COL25A1: variants seen among roughly 807,000 people sequenced by gnomAD.
The protein encoded by COL25A1 is collagen alpha-1(XXV) chain.
A neutral mutation model predicts 128.4 loss-of-function variants in COL25A1; 103 were observed. The ratio of observed to expected loss-of-function variants is 0.80; its 90% CI spans 0.68 to 0.94. COL25A1 has a LOEUF of 0.94. Among genes scored for constraint, COL25A1 ranks in the 40% least tolerant of loss-of-function variants. The pLI, the probability that COL25A1 is intolerant of heterozygous loss-of-function variation, is 0.00. For synonymous variants in COL25A1, 279 were observed against 277.2 expected (o/e 1.01, Z -0.06); for missense variants, 745 against 840.0 (o/e 0.89, Z 1.40).
At chr4:109,003,787 G>A (rs9995164) in intron 6 of COL25A1, among the ~76,000 whole-genome samples, 120,990 of 152,120 alleles carry the variant, frequency 0.8, 49,289 homozygotes, top group East Asian at 1. Context: ...GCAACAGAGC[G>A]AGACTCCATC....
At chr4:109,301,098 C>G (rs1725478246) in intron 2 of COL25A1, among the ~76,000 whole-genome samples, 1 of 151,752 alleles carries the variant, frequency 6.6e-6, no homozygotes. Flanking sequence ...CCCCCTTACT[C>G]TAGTCTAAAG....
chr4:108,853,482 T>C (rs972967941), intron 24 of COL25A1, among the ~76,000 whole-genome samples: 1 of 152,110 alleles, frequency 6.6e-6, no homozygotes, highest in African/African-American at 2.4e-5. Flanking sequence ...TTTTGTGAAC[T>C]TAATCAGAAA....
chr4:109,121,895 G>A (rs1048018554), intron 3 of COL25A1, among the ~76,000 whole-genome samples: 2 of 151,986 alleles, frequency 1.3e-5, no homozygotes, highest in African/African-American at 4.8e-5. Context: ...ATAGGTGAAA[G>A]GATAAACTGT....
chr4:109,298,752 T>C (rs1725235741), intron 3 of COL25A1, among the ~76,000 whole-genome samples: 1 of 152,238 alleles, frequency 6.6e-6, no homozygotes, highest in South Asian at 2.1e-4. Flanking sequence ...AGAAACCTGC[T>C]TGATTCTGCA....
chr4:108,837,591 A>G (rs1322038184), intron 31 of COL25A1, among the ~76,000 whole-genome samples: 1 of 152,206 alleles, frequency 6.6e-6, no homozygotes, highest in Non-Finnish European at 1.5e-5. Context: ...CAAAACAAAC[A>G]ACATAAAACA....
chr4:109,102,008 A>G (rs957067125), intron 3 of COL25A1, among the ~76,000 whole-genome samples: 2 of 152,172 alleles, frequency 1.3e-5, no homozygotes, highest in Non-Finnish European at 2.9e-5. Flanking sequence ...TTTCTGTGAT[A>G]TTTTGTCTCC....
At chr4:109,176,694 T>C (rs1774139885) in intron 3 of COL25A1, among the ~76,000 whole-genome samples, 1 of 152,114 alleles carries the variant, frequency 6.6e-6, no homozygotes, top group Non-Finnish European at 1.5e-5. Context: ...CAGATGTAAT[T>C]AAGTGAAAGA....
intron 3 of COL25A1, among the ~76,000 whole-genome samples, chr4:109,096,060 A>G (rs778006336): frequency 2.0e-5 from 3 of 152,250 alleles, no homozygotes; most frequent in Non-Finnish European, 4.4e-5. Flanking sequence ...TTAGACAGCT[A>G]TAGAACAATG....
At chr4:108,952,335 A>T (rs1749531049) in intron 8 of COL25A1, among the ~76,000 whole-genome samples, 1 of 151,898 alleles carries the variant, frequency 6.6e-6, no homozygotes, top group South Asian at 2.1e-4. Flanking sequence ...AACTGTGAAA[A>T]TTTTTTCTTT....
intron 3 of COL25A1, among the ~76,000 whole-genome samples, chr4:109,299,263 G>A (rs768574885): frequency 1.3e-5 from 2 of 152,170 alleles, no homozygotes; most frequent in African/African-American, 4.8e-5. Flanking sequence ...AGGTGGTTGA[G>A]TTAATTCCCA....
At chr4:108,834,065 C>T (rs1401258417) in intron 31 of COL25A1, among the ~76,000 whole-genome samples, 1 of 152,206 alleles carries the variant, frequency 6.6e-6, no homozygotes, top group Admixed American at 6.5e-5. Context: ...AATTCTAAGA[C>T]AATGAAGCCC....
At chr4:109,141,487 T>C (rs1770401592) in intron 3 of COL25A1, among the ~76,000 whole-genome samples, 1 of 152,196 alleles carries the variant, frequency 6.6e-6, no homozygotes, top group Non-Finnish European at 1.5e-5. Context: ...TTCTGTTGTT[T>C]AGAATAGCTT....
intron 3 of COL25A1, 41 bp downstream of exon 3, chr4:109,300,542 T>C: frequency 7.3e-7 from 1 of 1,369,244 alleles, no homozygotes; most frequent in East Asian, 2.3e-5. Context: ...TTTAAAATGC[T>C]CTGCTCTGGA....
At chr4:109,192,758 G>T (rs964637168) in intron 3 of COL25A1, among the ~76,000 whole-genome samples, 1 of 152,090 alleles carries the variant, frequency 6.6e-6, no homozygotes, top group Non-Finnish European at 1.5e-5. Context: ...GAAGGCTGAG[G>T]CAGGAGAATG....
chr4:108,889,274 A>G lies in COL25A1; in HGVS notation c.940-18T>C. 1.2e-6 allele frequency: 2 copies of G among 1,613,512 alleles called. No homozygotes were observed. The highest frequency in any genetic ancestry group is 4.5e-5 in the East Asian group (2 of 44,860). On this transcript the variant is annotated intron_variant, in intron 17 of 37. Coordinates refer to ENST00000399132, the MANE Select transcript of COL25A1 (RefSeq NM_198721.4). ...GGTTCTCCCTGGCCAAAGAAAACCA[A>G]AGATGAAAAACACAGTCTTAAAAGA... is the stretch of plus-strand genomic sequence containing the variant.
chr4:108,859,944 G>A (rs1736978484), intron 23 of COL25A1, among the ~76,000 whole-genome samples: 1 of 151,876 alleles, frequency 6.6e-6, no homozygotes, highest in Non-Finnish European at 1.5e-5. Context: ...GTCTTTGGTA[G>A]GTTCAATATA....
chr4:108,928,947 G>A (rs1278666837), intron 11 of COL25A1, among the ~76,000 whole-genome samples: 1 of 152,168 alleles, frequency 6.6e-6, no homozygotes, highest in East Asian at 1.9e-4. Flanking sequence ...AGGTGAACTG[G>A]ATTCTAGCCT....
chr4:108,938,365 A>G (rs920193566), intron 10 of COL25A1, among the ~76,000 whole-genome samples: 4 of 152,244 alleles, frequency 2.6e-5, no homozygotes, highest in African/African-American at 9.6e-5. Context: ...TAAATTGCCA[A>G]TAAATATAGA....
At position 109,172,921 on chromosome 4, in the gene COL25A1, A is replaced by G. The variant is rs1038716093; in HGVS notation, c.368-122742T>C. The stretch of plus-strand genomic sequence containing the variant: ...AACAAACTTGAGATGTTATACAAAT[A>G]CTACTTAAAATGTCATCTTTAAGCA... On this transcript the variant is annotated intron_variant, in intron 3 of 37. Coordinates refer to ENST00000399132, the MANE Select transcript of COL25A1 (RefSeq NM_198721.4). Among the ~76,000 whole-genome samples the G allele has an allele frequency of 3.9e-4, 59 of 152,194 alleles. 1 individual carries two copies. The highest frequency in any genetic ancestry group is 7.3e-5 in the Non-Finnish European group (5 of 68,034).
Sources: allele counts gnomAD v4.1 joint callset (sites outside exome capture counted in the v4.1 genomes callset), GRCh38; gene constraint gnomAD v4.1.1; transcripts MANE v1.5; gene names NCBI Gene and HGNC (gene_info 2026-07-23, HGNC 2026-07-21).